Variants in STK24 observed in about 807,000 individuals in gnomAD.
STK24 encodes the protein serine/threonine kinase 24.
STK24 carries 21 observed loss-of-function variants against 55.6 expected under a neutral mutation model. The observed-to-expected ratio is 0.38, with a 90% CI of 0.27 to 0.54. STK24 has a LOEUF of 0.54. Ranked by LOEUF, STK24 falls within the 20% of genes least tolerant of loss-of-function variation. The pLI is 0.79. For missense variants in STK24, 383 were observed against 538.4 expected (o/e 0.71, Z 2.86); for synonymous variants, 200 against 215.2 (o/e 0.93, Z 0.62).
intron 10 of STK24, chr13:98,456,476 G>C: frequency 2.0e-6 from 1 of 510,890 alleles, no homozygotes. Context: ...ACACAGAGCG[G>C]CTTCCCAGCA....
intron 1 of STK24, among the ~76,000 whole-genome samples, chr13:98,535,361 C>CAA (rs34537903): frequency 0.014 from 894 of 64,108 alleles, 4 homozygotes; most frequent in Non-Finnish European, 0.025. Context: ...AACAAACAAA[C>CAA]AAAAAAAAAA....
Position 98,450,715 on chromosome 13 carries a change from G to A in STK24, c.*2458C>T, listed in dbSNP as rs535268384. On this transcript the variant is annotated 3_prime_UTR_variant, in exon 11 of 11. Transcript: ENST00000539966. ...GACAGTAAACCCGTCTCAAAGGCTG[G>A]GCCTGGCTACAGACCAGCAGCAGTT... 1.6e-4 allele frequency: 25 copies of A among 152,272 alleles called. No individual in the cohort carries two copies. Among genetic ancestry groups the A allele is most frequent in the Non-Finnish European group, 3.2e-4 (22 of 68,084 alleles). The allele number at this position is 152,272 out of a possible 1,614,324, so 9.4% of individuals were successfully genotyped here.
At chr13:98,453,348 A>G (rs1000284675) in intron 10 of STK24, 139 bp from the exon 11 acceptor site, 1 of 831,464 alleles carries the variant, frequency 1.2e-6, no homozygotes, top group African/African-American at 1.7e-5. Context: ...ATCAATGTGT[A>G]AGTCTAATTT....
intron 2 of STK24, among the ~76,000 whole-genome samples, chr13:98,513,718 T>C (rs956925769): frequency 6.6e-6 from 1 of 152,246 alleles, no homozygotes; most frequent in Non-Finnish European, 1.5e-5. Flanking sequence ...CCATATGTAC[T>C]AAAATAGTAT....
chr13:98,529,820 T>G (rs1184456387), intron 1 of STK24, among the ~76,000 whole-genome samples: 8 of 151,996 alleles, frequency 5.3e-5, no homozygotes, highest in Non-Finnish European at 8.8e-5. Flanking sequence ...CTTAAAAGGC[T>G]CCTAGGTCTA....
intron 2 of STK24, among the ~76,000 whole-genome samples, chr13:98,487,042 G>C (rs1157078503): frequency 1.3e-5 from 2 of 152,160 alleles, no homozygotes; most frequent in Non-Finnish European, 2.9e-5. Context: ...AAATGCCTCT[G>C]AATAACCTGG....
At chr13:98,519,586 A>G (rs1433398338) in intron 1 of STK24, 113 bp from the exon 2 acceptor site, 7 of 842,326 alleles carry the variant, frequency 8.3e-6, no homozygotes, top group Admixed American at 4.5e-5. Flanking sequence ...GGACTCATCT[A>G]TTTTCTGTGT....
At chr13:98,536,854 C>T (rs8002539) in intron 1 of STK24, among the ~76,000 whole-genome samples, 107,821 of 150,700 alleles carry the variant, frequency 0.72, 38,596 homozygotes, top group Non-Finnish European at 0.75. Flanking sequence ...AGCTGTCCGG[C>T]TGCCACACTC....
chr13:98,505,904 G>T (rs1246132925), intron 2 of STK24, among the ~76,000 whole-genome samples: 1 of 152,176 alleles, frequency 6.6e-6, no homozygotes, highest in African/African-American at 2.4e-5. Context: ...TCAGAATACT[G>T]TTAACAGTTA....
intron 1 of STK24, among the ~76,000 whole-genome samples, chr13:98,563,854 C>T (rs540607361): frequency 4.7e-5 from 7 of 148,586 alleles, no homozygotes; most frequent in Admixed American, 1.3e-4. Flanking sequence ...AGCGAGACTC[C>T]GTCTCAAAAA....
rs765330638 is a variant in STK24, at chr13:98,448,308, T to C, written c.*4865A>G. 6.2e-7 allele frequency: 1 copy of C among 1,612,694 alleles called. No individual in the cohort carries two copies. Among genetic ancestry groups the C allele is most frequent in the Non-Finnish European group, 8.5e-7 (1 of 1,178,658 alleles). ...ACGTGTTGAGTCACAAAGAGTCTCTTGTGTATTGATGGCCGGACACACTCG... is the reference window on the plus strand; with the variant it reads ...ACGTGTTGAGTCACAAAGAGTCTCTCGTGTATTGATGGCCGGACACACTCG... On this transcript the variant is annotated 3_prime_UTR_variant, in exon 11 of 11. Transcript: ENST00000539966.
intron 1 of STK24, among the ~76,000 whole-genome samples, chr13:98,563,206 G>T (rs1897473800): frequency 6.6e-6 from 1 of 152,116 alleles, no homozygotes; most frequent in Non-Finnish European, 1.5e-5. Context: ...AACATCCAAG[G>T]CTAGCACCGA....
chr13:98,482,156 G>A (rs1374698975), intron 3 of STK24, 109 bp downstream of exon 3: 3 of 549,644 alleles, frequency 5.5e-6, no homozygotes, highest in African/African-American at 2.0e-5. Context: ...CTTTTTTAAT[G>A]CAACTTGAAA....
intron 2 of STK24, among the ~76,000 whole-genome samples, chr13:98,493,354 A>T (rs1895114593): frequency 6.6e-6 from 1 of 152,240 alleles, no homozygotes. Flanking sequence ...AAGAGGAATA[A>T]AAACATTCTG....
rs377251912 is a variant in STK24 at position 98,446,055 on chromosome 13, G to T, written c.*7118C>A. ...GAGCTGCTCTCTGTGCCCTCCTGGG[G>T]CAGGTGCCCGCTGTGCTTCTCACAG... On this transcript the variant is annotated 3_prime_UTR_variant, in exon 11 of 11. Transcript: ENST00000539966. The T allele has an allele frequency of 1.3e-4, 173 of 1,346,150 alleles. No homozygotes were observed. Among genetic ancestry groups the T allele is most frequent in the Non-Finnish European group, 1.6e-5 (15 of 937,790 alleles). 83.4% of individuals were successfully genotyped at this position (1,346,150 alleles called of 1,614,324 possible).
chr13:98,532,122 C>T (rs1293843764), intron 1 of STK24, among the ~76,000 whole-genome samples: 1 of 152,184 alleles, frequency 6.6e-6, no homozygotes, highest in African/African-American at 2.4e-5. Context: ...TTGAGGACCA[C>T]CGGTCTAGTC....
intron 1 of STK24, chr13:98,521,741 A>C: frequency 1.3e-6 from 1 of 777,512 alleles, no homozygotes. Context: ...TTCAGCAGCT[A>C]CTATCCTCGC....
rs760974268 is a variant in STK24, at chr13:98,463,765, G to A, written c.855C>T (p.Thr285=). 16 of 1,614,020 alleles carry A rather than the reference G, an allele frequency of 9.9e-6. No individual in the cohort carries two copies. Among genetic ancestry groups the A allele is most frequent in the East Asian group, 4.5e-5 (2 of 44,894 alleles). The part of the protein sequence containing the change: ...LRNAKKTSYL[T]ELIDRYKRWK... ...ATCTCTTGTACCTGTCGATGAGCTCGGTCAAGTAGGAAGTTTTCTTTGCAT... is the reference window on the plus strand; with the variant it reads ...ATCTCTTGTACCTGTCGATGAGCTCAGTCAAGTAGGAAGTTTTCTTTGCAT... Residue 285 remains threonine (T), a synonymous_variant, in exon 7 of 11, where the codon ACC becomes ACT. Transcript: ENST00000539966.
At chr13:98,561,973 G>A (rs142673566) in intron 1 of STK24, among the ~76,000 whole-genome samples, 1,260 of 101,282 alleles carry the variant, frequency 0.012, 27 homozygotes, top group African/African-American at 0.047. Context: ...GTGAGACTCC[G>A]TCTCAAAAAA....
Sources: allele counts gnomAD v4.1 joint callset (sites outside exome capture counted in the v4.1 genomes callset), GRCh38; gene constraint gnomAD v4.1.1; transcripts MANE v1.5; gene names NCBI Gene and HGNC (gene_info 2026-07-23, HGNC 2026-07-21).